Variants in DGKZ observed in about 807,000 individuals in gnomAD.
The protein encoded by DGKZ is DAG kinase zeta.
In DGKZ, 45 loss-of-function variants were observed where a neutral mutation model predicts 142.5. The observed-to-expected ratio is 0.32, with a 90% CI of 0.25 to 0.40. DGKZ has a LOEUF of 0.40. Among genes scored for constraint, DGKZ ranks in the 10% least tolerant of loss-of-function variants. DGKZ has a pLI of 1.00. For missense variants in DGKZ, 755 were observed against 1,306.5 expected (o/e 0.58, Z 6.51); for synonymous variants, 442 against 527.0 (o/e 0.84, Z 2.21).
chr11:46,379,652 T>C, intron 30 of DGKZ, 84 bp downstream of exon 30: 8 of 1,368,796 alleles, frequency 5.8e-6, no homozygotes, highest in Admixed American at 2.4e-5. Flanking sequence ...GGCTGGGGGC[T>C]GTCCCTGGGA....
chr11:46,370,775 T>A (rs926322577), intron 6 of DGKZ, among the ~76,000 whole-genome samples: 1 of 151,964 alleles, frequency 6.6e-6, no homozygotes, highest in Admixed American at 6.6e-5. Context: ...TTATACATAT[T>A]TTTTTTTATT....
chr11:46,378,822 C>G, intron 27 of DGKZ, 169 bp from the exon 28 acceptor site: 1 of 1,183,766 alleles, frequency 8.4e-7, no homozygotes, highest in Non-Finnish European at 1.2e-6. Context: ...TGAGAGGCCC[C>G]TCCTCCGGTG....
chr11:46,356,616 C>T (rs1372377892), intron 1 of DGKZ, among the ~76,000 whole-genome samples: 1 of 152,042 alleles, frequency 6.6e-6, no homozygotes, highest in African/African-American at 2.4e-5. Flanking sequence ...CACCGGATGC[C>T]ACGTGGTGCC....
rs1265014179 is a variant in DGKZ at position 46,366,151 on chromosome 11, C to G, written c.162-1140C>G. ...GAATGGGCTCCTGGTTGCTTCCCTT[C>G]TCATGGGGCAGAGGCTGTGAATGGG... is the stretch of plus-strand genomic sequence containing the variant. On this transcript the variant is annotated intron_variant, in intron 1 of 30. Transcript: ENST00000527911. The G allele has an allele frequency of 5.0e-6, 7 of 1,404,542 alleles. No individual in the cohort carries two copies. In the East Asian group the frequency reaches 1.9e-4, roughly 39 times the overall value. 87.0% of individuals were successfully genotyped at this position (1,404,542 alleles called of 1,614,324 possible). A position where few individuals can be genotyped will look rare whatever the true frequency, so the allele number is the denominator to read the frequency against.
At chr11:46,335,310 C>CA (rs113151099) in intron 1 of DGKZ, among the ~76,000 whole-genome samples, 2,036 of 130,052 alleles carry the variant, frequency 0.016, 65 homozygotes, top group Admixed American at 0.091. Flanking sequence ...GTGACTCCAT[C>CA]AAAAAAAAAA....
At chr11:46,368,780 A>G (rs1296756373) in intron 4 of DGKZ, 1 of 167,980 alleles carries the variant, frequency 6.0e-6, no homozygotes, top group Non-Finnish European at 1.3e-5. Context: ...CTGTACACTC[A>G]TCATTTAAGG....
At chr11:46,343,687 C>A (rs990289570), upstream of DGKZ, among the ~76,000 whole-genome samples, 1 of 152,232 alleles carries the variant, frequency 6.6e-6, no homozygotes, top group African/African-American at 2.4e-5. Context: ...AACGCATTCC[C>A]CCTGGCTCCC....
chr11:46,333,418 G>A, exon 1 of DGKZ: 1 of 1,522,056 alleles, frequency 6.6e-7, no homozygotes, highest in African/African-American at 1.4e-5. Flanking sequence ...GGTTCCCGGG[G>A]CACGGCCGCT....
chr11:46,376,742 A>G (rs1944590964), intron 24 of DGKZ, 178 bp downstream of exon 24: 8 of 868,106 alleles, frequency 9.2e-6, no homozygotes, highest in Non-Finnish European at 1.2e-5. Flanking sequence ...CACACTGGAG[A>G]GTATAGGGCG....
chr11:46,336,743 T>G (rs1040294000), intron 1 of DGKZ, among the ~76,000 whole-genome samples: 2 of 152,046 alleles, frequency 1.3e-5, no homozygotes, highest in Admixed American at 1.3e-4. Context: ...TTTGTAGGGA[T>G]GGGGTTTCGC....
chr11:46,341,953 G>A (rs1359383242), intron 1 of DGKZ, among the ~76,000 whole-genome samples: 2 of 152,204 alleles, frequency 1.3e-5, no homozygotes, highest in Admixed American at 6.5e-5. Context: ...AAGGAGCCGC[G>A]AAGGTCAGGC....
chr11:46,373,010 G>A, exon 14 of DGKZ: 2 of 1,539,190 alleles, frequency 1.3e-6, no homozygotes, highest in Non-Finnish European at 1.8e-6. Flanking sequence ...GTGGAGGAGG[G>A]GAACGTGGTA....
rs749956393 is a variant in DGKZ, at chr11:46,372,993, C to T, written c.1218C>T (p.Leu406=). 2.8e-4 allele frequency: 437 copies of T among 1,538,626 alleles called. No individual in the cohort carries two copies. The highest frequency in any genetic ancestry group is 3.6e-4 in the Non-Finnish European group (410 of 1,138,012). The change falls in exon 14 of 31, where the codon CTC becomes CTT. Residue 406 remains leucine, a synonymous_variant. Transcript: ENST00000527911. This position sits in a 1 kb window ranked among gnomAD's most constrained non-coding sequence, Gnocchi z 5.9. ...CAGATGAGCCTGTGTCCAAGATCCT[C>T]TCCCACGTGGAGGAGGGGAACGTGG...
intron 25 of DGKZ, 58 bp downstream of exon 25, chr11:46,377,270 A>T: frequency 6.6e-7 from 1 of 1,523,150 alleles, no homozygotes; most frequent in Non-Finnish European, 8.8e-7. Context: ...CTGTAAGCCG[A>T]TGACTTCTGA....
At chr11:46,378,820 C>T (rs1944867004) in intron 27 of DGKZ, 171 bp from the exon 28 acceptor site, 5 of 1,159,760 alleles carry the variant, frequency 4.3e-6, no homozygotes, top group Non-Finnish European at 6.1e-6. Context: ...GGTGAGAGGC[C>T]CCTCCTCCGG....
intron 1 of DGKZ, among the ~76,000 whole-genome samples, chr11:46,356,144 G>A (rs112061648): frequency 2.0e-5 from 3 of 152,300 alleles, no homozygotes; most frequent in African/African-American, 4.8e-5. Context: ...AGGATGGGAC[G>A]GTCACCAGAG....
chr11:46,347,647 G>C lies in DGKZ; in HGVS notation c.-13G>C. 1 of 1,365,964 alleles carries C rather than the reference G, an allele frequency of 7.3e-7. No homozygotes were observed. The highest frequency in any genetic ancestry group is 9.4e-7 in the Non-Finnish European group (1 of 1,058,408). 84.6% of individuals were successfully genotyped at this position (1,365,964 alleles called of 1,614,324 possible). On this transcript the variant is annotated 5_prime_UTR_variant, in exon 1 of 31. Transcript: ENST00000527911. This position sits in a 1 kb window ranked among gnomAD's most constrained non-coding sequence, Gnocchi z 6.4. Reference sequence around the variant, plus strand: ...TCTCCCGCGGGCCCTCCGCCGGCCGGGGCTAGGGCCGGATGGAGCCGCGGG... The same window carrying C: ...TCTCCCGCGGGCCCTCCGCCGGCCGCGGCTAGGGCCGGATGGAGCCGCGGG...
chr11:46,367,183 C>T lies in DGKZ; in HGVS notation c.162-108C>T, dbSNP rs1468412405. 7 of 1,276,742 alleles carry T rather than the reference C, an allele frequency of 5.5e-6. No individual in the cohort carries two copies. The highest frequency in any genetic ancestry group is 6.7e-6 in the Non-Finnish European group (6 of 899,158). 79.1% of individuals were successfully genotyped at this position (1,276,742 alleles called of 1,614,324 possible). ...GTCTGGGGCTGCTGGGAGGCTCCTC[C>T]GCCCTCCCTGTTGCCGAGGTCACGG... On this transcript the variant is annotated intron_variant, in intron 1 of 30. Transcript: ENST00000527911. The surrounding 1 kb of genome is among the most constrained non-coding windows in gnomAD (Gnocchi z 4.1).
At chr11:46,346,421 C>T (rs897775406), upstream of DGKZ, among the ~76,000 whole-genome samples, 5 of 152,162 alleles carry the variant, frequency 3.3e-5, no homozygotes, top group African/African-American at 1.2e-4. Flanking sequence ...TCAGAAACAG[C>T]CCCGGTGTGT....
Sources: allele counts gnomAD v4.1 joint callset (sites outside exome capture counted in the v4.1 genomes callset), GRCh38; gene constraint gnomAD v4.1.1; non-coding constraint Gnocchi (gnomAD v3.1); transcripts MANE v1.5; gene names NCBI Gene and HGNC (gene_info 2026-07-23, HGNC 2026-07-21).